NARS2: variants seen among roughly 807,000 people sequenced by gnomAD.
NARS2 encodes asparaginyl-tRNA synthetase 2, mitochondrial.
A neutral mutation model predicts 62.9 loss-of-function variants in NARS2; 60 were observed. The observed-to-expected ratio is 0.95, with a 90% CI of 0.77 to 1.18. The LOEUF (loss-of-function observed/expected upper bound fraction) is 1.18. Ranked by LOEUF, NARS2 falls within the 50% of genes most tolerant of loss-of-function variation. NARS2 has a pLI of 0.00. For synonymous variants in NARS2, 196 were observed against 200.0 expected, an observed-to-expected ratio of 0.98 and a Z score of 0.17; for missense variants, 619 against 576.4, an observed-to-expected ratio of 1.07 and a Z score of -0.76.
Position 78,478,993 on chromosome 11 carries a change from G to T in NARS2, c.823-310C>A, listed in dbSNP as rs73504965. 1.4e-3 allele frequency among the ~76,000 whole-genome samples: 220 copies of T among 152,190 alleles called. 1 individual carries two copies. Among genetic ancestry groups the T allele is most frequent in the African/African-American group, 4.8e-3 (201 of 41,530 alleles). On this transcript the variant is annotated intron_variant, in intron 7 of 13. Coordinates refer to ENST00000281038, the MANE Select transcript of NARS2 (RefSeq NM_024678.6). ...CTCTCTAAATTTCAATAAACTCACT[G>T]GTAGAATCAGGGTAATAATAGCACC...
At chr11:78,513,346 CTTTTT>C (rs71046977) in intron 6 of NARS2, among the ~76,000 whole-genome samples, 1 of 142,038 alleles carries the variant, frequency 7.0e-6, no homozygotes. Context: ...TTCACTCTTT[CTTTTT>C]TTTTTTTTGT....
At chr11:78,571,560 C>G in intron 1 of NARS2, 116 bp from the exon 2 acceptor site, 3 of 664,140 alleles carry the variant, frequency 4.5e-6, no homozygotes, top group East Asian at 5.4e-5. Flanking sequence ...CTCAACAAAT[C>G]AACTTCTTTT....
At chr11:78,469,760 G>A (rs1246446932) in intron 9 of NARS2, among the ~76,000 whole-genome samples, 2 of 145,128 alleles carry the variant, frequency 1.4e-5, no homozygotes, top group African/African-American at 2.5e-5. Flanking sequence ...GCGCATGTGT[G>A]TGTCAGAGAG....
chr11:78,506,866 T>G (rs1254776474), intron 6 of NARS2, among the ~76,000 whole-genome samples: 2 of 152,158 alleles, frequency 1.3e-5, no homozygotes, highest in African/African-American at 4.8e-5. Flanking sequence ...AAACTTGCAG[T>G]CTATGGAATA....
chr11:78,447,390 C>T (rs147138484), intron 11 of NARS2, among the ~76,000 whole-genome samples: 1 of 152,188 alleles, frequency 6.6e-6, no homozygotes, highest in African/African-American at 2.4e-5. Flanking sequence ...AACTCTTATA[C>T]ACTGTTGGTG....
chr11:78,458,419 CAG>C (rs1253726033), intron 11 of NARS2, among the ~76,000 whole-genome samples: 1 of 152,060 alleles, frequency 6.6e-6, no homozygotes, highest in Non-Finnish European at 1.5e-5. Context: ...CTCATTTTTA[CAG>C]ATCAGGAAAT....
intron 6 of NARS2, among the ~76,000 whole-genome samples, chr11:78,519,398 C>T (rs1238359311): frequency 1.3e-5 from 2 of 152,082 alleles, no homozygotes; most frequent in Non-Finnish European, 2.9e-5. Flanking sequence ...AAGTAATGAA[C>T]ACTGATTTTT....
chr11:78,496,414 C>T (rs1451444615), intron 6 of NARS2, among the ~76,000 whole-genome samples: 4 of 152,124 alleles, frequency 2.6e-5, no homozygotes. Flanking sequence ...TGTATTAATA[C>T]ACTTATCTTC....
chr11:78,565,044 G>A (rs1416263476), intron 4 of NARS2, among the ~76,000 whole-genome samples: 4 of 152,176 alleles, frequency 2.6e-5, no homozygotes, highest in Non-Finnish European at 4.4e-5. Context: ...ACAAAACCAC[G>A]TGGAATAACA....
Position 78,443,731 on chromosome 11 carries a change from C to T in NARS2, c.1192G>A (p.Gly398Arg), listed in dbSNP as rs1857654378. 2 of 1,613,040 alleles carry T rather than the reference C, an allele frequency of 1.2e-6. No homozygotes were observed. The highest frequency in any genetic ancestry group is 1.7e-5 in the Admixed American group (1 of 59,980). ...CCTCCTCCAAAGAGTTCCCCAACTC[C>T]AGGAACCAGAAGATCAACAGCAGCA... is the stretch of plus-strand genomic sequence containing the variant. ...TVAAVDLLVPGVGELFGGGLR... is the reference protein window; with the variant it reads ...TVAAVDLLVPRVGELFGGGLR... Residue 398 changes from glycine (G) to arginine (R), a missense_variant, in exon 12 of 14, where the codon GGA becomes AGA. Coordinates refer to ENST00000281038, the MANE Select transcript of NARS2 (RefSeq NM_024678.6).
chr11:78,566,405 C>G, intron 3 of NARS2, 133 bp from the exon 4 acceptor site: 1 of 680,678 alleles, frequency 1.5e-6, no homozygotes, highest in Non-Finnish European at 2.2e-6. Context: ...CTTAATATAA[C>G]TGATTTTAAT....
intron 5 of NARS2, among the ~76,000 whole-genome samples, chr11:78,545,449 G>C (rs1235522796): frequency 6.6e-6 from 1 of 151,388 alleles, no homozygotes; most frequent in African/African-American, 2.4e-5. Context: ...CTTTGTACTT[G>C]CTGTTCCTTC....
intron 12 of NARS2, 37 bp from the exon 13 acceptor site, chr11:78,441,154 C>T (rs371775274): frequency 2.5e-6 from 4 of 1,590,054 alleles, no homozygotes; most frequent in Non-Finnish European, 3.4e-6. Flanking sequence ...CAGGGAACGG[C>T]AATAAGATAA....
chr11:78,536,704 A>G (rs1350746392), intron 5 of NARS2, among the ~76,000 whole-genome samples: 2 of 152,188 alleles, frequency 1.3e-5, no homozygotes, highest in African/African-American at 4.8e-5. Flanking sequence ...ATAATCTAGT[A>G]TTAATAATTA....
chr11:78,457,806 AC>A (rs1858223817), intron 11 of NARS2, among the ~76,000 whole-genome samples: 1 of 72,816 alleles, frequency 1.4e-5, no homozygotes, highest in Non-Finnish European at 2.2e-5. Context: ...CAACACACAC[AC>A]ACACACACAC....
chr11:78,526,703 C>T (rs10899538), intron 6 of NARS2, among the ~76,000 whole-genome samples: 98,028 of 151,862 alleles, frequency 0.65, 34,925 homozygotes, highest in Non-Finnish European at 0.81. Flanking sequence ...TGGTTCACTG[C>T]GCTTTACTGG....
rs375792136 is a variant in NARS2 at position 78,537,062 on chromosome 11, C to T, written c.595-8126G>A. Among the ~76,000 whole-genome samples, 91 of 152,178 alleles carry T rather than the reference C, an allele frequency of 6.0e-4. 1 individual carries two copies. The South Asian group carries it at 0.018, about 30-fold the overall frequency. The stretch of plus-strand genomic sequence containing the variant: ...AGAACAAGAGACTAGACCATACAGC[C>T]TAGGTGTGTGGTAGGCTATACCATC... On this transcript the variant is annotated intron_variant, in intron 5 of 13. Transcript: ENST00000281038.
intron 6 of NARS2, among the ~76,000 whole-genome samples, chr11:78,516,694 G>C (rs1860924587): frequency 6.6e-6 from 1 of 152,270 alleles, no homozygotes; most frequent in East Asian, 1.9e-4. Context: ...AGACAACAAA[G>C]AGGAACAAGA....
chr11:78,574,787 T>C lies in NARS2; in HGVS notation c.-299A>G, dbSNP rs888481809. On this transcript the variant is annotated 5_prime_UTR_variant, in exon 1 of 14. Coordinates refer to ENST00000281038, the MANE Select transcript of NARS2 (RefSeq NM_024678.6). ...CCACTACCCGCGACAATTGTAAACC[T>C]ACGAACAGAACCCGGGCCGCAACAC... is the stretch of plus-strand genomic sequence containing the variant. 4.1e-5 allele frequency: 15 copies of C among 364,330 alleles called. No individual in the cohort carries two copies. In the Admixed American group the frequency reaches 5.7e-4, roughly 14 times the overall value. The allele number at this position is 364,330 out of a possible 1,614,324, so 22.6% of individuals were successfully genotyped here. A position where few individuals can be genotyped will look rare whatever the true frequency, so the allele number is the denominator to read the frequency against.
Sources: allele counts gnomAD v4.1 joint callset (sites outside exome capture counted in the v4.1 genomes callset), GRCh38; gene constraint gnomAD v4.1.1; transcripts MANE v1.5; gene names NCBI Gene and HGNC (gene_info 2026-07-23, HGNC 2026-07-21).